The following CNKSR2 variants were observed in gnomAD, a reference collection of about 807,000 sequenced individuals.
CNKSR2 encodes the protein connector enhancer of kinase suppressor of Ras 2, also known as CNK homolog protein 2.
CNKSR2 carries 14 observed loss-of-function variants against 84.4 expected under a neutral mutation model. That is an observed-to-expected ratio of 0.17 (90% CI 0.11 to 0.26). The LOEUF is 0.26. Ranked by LOEUF, CNKSR2 falls within the 10% of genes least tolerant of loss-of-function variation. CNKSR2 has a pLI of 1.00. For missense variants in CNKSR2, 485 were observed against 771.2 expected, an observed-to-expected ratio of 0.63 and a Z score of 4.40; for synonymous variants, 275 against 277.9, an observed-to-expected ratio of 0.99 and a Z score of 0.10.
At chrX:21,475,005 T>C (rs2091245391) in intron 5 of CNKSR2, among the ~76,000 whole-genome samples, 1 of 112,121 alleles carries the variant, frequency 8.9e-6, no homozygotes, top group Admixed American at 9.5e-5. Flanking sequence ...CAAATATGTG[T>C]TAATCAGAAA....
At chrX:21,430,120 A>T (rs2090616624) in intron 2 of CNKSR2, among the ~76,000 whole-genome samples, 2 of 110,860 alleles carry the variant, frequency 1.8e-5, no homozygotes, top group South Asian at 7.5e-4. Flanking sequence ...CCTCTGCTAC[A>T]TATCTTTTAA....
intron 13 of CNKSR2, among the ~76,000 whole-genome samples, chrX:21,570,872 G>C (rs913722024): frequency 1.8e-5 from 2 of 111,998 alleles, no homozygotes; most frequent in Non-Finnish European, 3.8e-5. Context: ...ACCTCTGCTA[G>C]CTTCCAACTT....
rs139022952 is a variant in CNKSR2, at chrX:21,590,640, C to T, written c.1657+20C>T. On this transcript the variant is annotated intron_variant, in intron 14 of 21. Coordinates refer to ENST00000379510, the MANE Select transcript of CNKSR2 (RefSeq NM_014927.5). Reference sequence around the variant, plus strand: ...ACAAAGGTAAGAAAAGGAAATGAAACCTTTACCTGCTTATTTTGCTCTTTG... The same window carrying T: ...ACAAAGGTAAGAAAAGGAAATGAAATCTTTACCTGCTTATTTTGCTCTTTG... 6,698 of 1,190,050 alleles carry T rather than the reference C, an allele frequency of 5.6e-3. 20 individuals carry two copies. Among genetic ancestry groups the T allele is most frequent in the Non-Finnish European group, 7.3e-3 (6,379 of 878,906 alleles).
chrX:21,620,812 T>C (rs375099159), intron 20 of CNKSR2, among the ~76,000 whole-genome samples: 3 of 110,341 alleles, frequency 2.7e-5, no homozygotes, highest in African/African-American at 1.0e-4. Context: ...TGATTTTAGA[T>C]TGATATGGAA....
At chrX:21,489,139 T>C (rs890571657) in intron 5 of CNKSR2, among the ~76,000 whole-genome samples, 7 of 111,706 alleles carry the variant, frequency 6.3e-5, no homozygotes, top group African/African-American at 2.3e-4. Flanking sequence ...CTTACAGGAC[T>C]GAAGCAGTGT....
intron 1 of CNKSR2, among the ~76,000 whole-genome samples, chrX:21,411,122 T>G (rs1445493320): frequency 9.0e-6 from 1 of 111,308 alleles, no homozygotes; most frequent in Non-Finnish European, 1.9e-5. Flanking sequence ...AATGGCAGTT[T>G]TTTTACCTCT....
rs776247964 is a variant in CNKSR2, at chrX:21,463,647, C to G, written c.520-7119C>G. Among the ~76,000 whole-genome samples, 364 of 111,242 alleles carry G rather than the reference C, an allele frequency of 3.3e-3. 2 individuals are homozygous for G. The highest frequency in any genetic ancestry group is 0.011 in the African/African-American group (336 of 30,608). On this transcript the variant is annotated intron_variant, in intron 4 of 21. Coordinates refer to ENST00000379510, the MANE Select transcript of CNKSR2 (RefSeq NM_014927.5). ...CTGCTAGTTATTCAGGGCCCAAGAGCTTTTCAGTTAGCAGGTGATGCATGC... is the reference window on the plus strand; with the variant it reads ...CTGCTAGTTATTCAGGGCCCAAGAGGTTTTCAGTTAGCAGGTGATGCATGC...
In CNKSR2 at chrX:21,555,998, A is replaced by G. The variant is rs1037337966; in HGVS notation, c.1304-5473A>G. Among the ~76,000 whole-genome samples the G allele has an allele frequency of 6.3e-5, 7 of 110,951 alleles. No individual in the cohort carries two copies. In the Admixed American group the frequency reaches 6.7e-4, roughly 11 times the overall value. On this transcript the variant is annotated intron_variant, in intron 11 of 21. Coordinates refer to ENST00000379510, the MANE Select transcript of CNKSR2 (RefSeq NM_014927.5). Reference sequence around the variant, plus strand: ...GAACTAGTTCTGACTTGATTGGCAAACAGTTCTGTAAAGCTCAGTTTGTCA... The same window carrying G: ...GAACTAGTTCTGACTTGATTGGCAAGCAGTTCTGTAAAGCTCAGTTTGTCA...
chrX:21,532,165 C>T lies in CNKSR2; in HGVS notation c.1303+98C>T, dbSNP rs1311225764. 7.4e-6 allele frequency: 4 copies of T among 539,705 alleles called. No homozygotes were observed. The South Asian group carries it at 1.1e-4, about 15-fold the overall frequency. 44.5% of individuals were successfully genotyped at this position (539,705 alleles called of 1,213,427 possible). A position where few individuals can be genotyped will look rare whatever the true frequency, so the allele number is the denominator to read the frequency against. On this transcript the variant is annotated intron_variant, in intron 11 of 21. Transcript: ENST00000379510. ...TTTTGGGTTGTGAGAGTTACTTAGG[C>T]GCTTTTGAATCTTTATAATTGATCT...
At chrX:21,567,623 A>G (rs1373194103) in intron 13 of CNKSR2, among the ~76,000 whole-genome samples, 2 of 111,796 alleles carry the variant, frequency 1.8e-5, no homozygotes, top group Non-Finnish European at 3.8e-5. Flanking sequence ...CCATCTCATT[A>G]CAAAGGTTCC....
intron 15 of CNKSR2, chrX:21,593,888 T>G (rs1021368397): frequency 9.0e-6 from 1 of 111,718 alleles, no homozygotes; most frequent in African/African-American, 3.3e-5. Flanking sequence ...TATAAATTAG[T>G]TCAGCCATTG....
chrX:21,436,441 C>T (rs1021583105), intron 3 of CNKSR2, among the ~76,000 whole-genome samples: 1 of 110,980 alleles, frequency 9.0e-6, no homozygotes, highest in African/African-American at 3.3e-5. Flanking sequence ...ACTTTTGCAC[C>T]AGAGAGAAAT....
intron 20 of CNKSR2, chrX:21,645,853 T>G (rs1435548608): frequency 3.6e-5 from 4 of 111,926 alleles, no homozygotes; most frequent in Non-Finnish European, 7.5e-5. Flanking sequence ...GGTATTCATC[T>G]GAGAAAAATC....
intron 5 of CNKSR2, among the ~76,000 whole-genome samples, chrX:21,481,779 G>A (rs1411301955): frequency 8.9e-6 from 1 of 111,822 alleles, no homozygotes. Context: ...AGGGAGTCAC[G>A]CAGTGAGGAC....
chrX:21,557,024 G>C (rs2092145924), intron 11 of CNKSR2, among the ~76,000 whole-genome samples: 1 of 109,614 alleles, frequency 9.1e-6, no homozygotes, highest in Admixed American at 9.8e-5. Flanking sequence ...AGTAATTTCA[G>C]ATCTCCCTAA....
chrX:21,645,707 G>A (rs769430928), intron 20 of CNKSR2: 1 of 110,976 alleles, frequency 9.0e-6, no homozygotes, highest in Non-Finnish European at 1.9e-5. Context: ...TCTTCTAAAG[G>A]AAGAAAAAGC....
chrX:21,437,160 A>G (rs973387934), intron 3 of CNKSR2, among the ~76,000 whole-genome samples: 1 of 111,502 alleles, frequency 9.0e-6, no homozygotes, highest in African/African-American at 3.3e-5. Flanking sequence ...TAGTGATCAA[A>G]TAGATTTTTT....
chrX:21,586,231 A>C (rs1379741888), intron 13 of CNKSR2, among the ~76,000 whole-genome samples: 4 of 111,845 alleles, frequency 3.6e-5, no homozygotes, highest in African/African-American at 1.3e-4. Flanking sequence ...ACGAGGTGTA[A>C]CCAACTGGGA....
Position 21,409,030 on chromosome X carries a change from A to G in CNKSR2, c.65-17467A>G, listed in dbSNP as rs1457937289. On this transcript the variant is annotated intron_variant, in intron 1 of 21. Transcript: ENST00000379510. Reference sequence around the variant, plus strand: ...TAAGAAACAGATGTTATGGAGATTAATTTGTGACTGGAGAAGAAATGTCTC... The same window carrying G: ...TAAGAAACAGATGTTATGGAGATTAGTTTGTGACTGGAGAAGAAATGTCTC... 7.5e-5 allele frequency among the ~76,000 whole-genome samples: 8 copies of G among 107,230 alleles called. No homozygotes were observed. In the Admixed American group the frequency reaches 8.1e-4, roughly 11 times the overall value. The allele number at this position is 107,230 out of a possible 115,157, so 93.1% of individuals were successfully genotyped here.
Sources: allele counts gnomAD v4.1 joint callset (sites outside exome capture counted in the v4.1 genomes callset), GRCh38; gene constraint gnomAD v4.1.1; transcripts MANE v1.5; gene names NCBI Gene and HGNC (gene_info 2026-07-23, HGNC 2026-07-21).